CDKAL1: variants seen among roughly 807,000 people sequenced by gnomAD.
CDKAL1 encodes threonylcarbamoyladenosine tRNA methylthiotransferase.
A neutral mutation model predicts 68.2 loss-of-function variants in CDKAL1; 32 were observed. The ratio of observed to expected loss-of-function variants is 0.47; its 90% confidence interval spans 0.35 to 0.63. CDKAL1 has a LOEUF of 0.63. CDKAL1 is among the 30% of genes least tolerant of loss of function. The pLI is 0.00. For synonymous variants in CDKAL1, 234 were observed against 244.3 expected, an observed-to-expected ratio of 0.96 and a Z score of 0.39; for missense variants, 606 against 696.7, an observed-to-expected ratio of 0.87 and a Z score of 1.47.
chr6:21,123,419 G>A (rs1178152810), intron 13 of CDKAL1, among the ~76,000 whole-genome samples: 1 of 152,148 alleles, frequency 6.6e-6, no homozygotes, highest in Non-Finnish European at 1.5e-5. Context: ...ACGCAGCACT[G>A]CACTCCAGCC....
intron 9 of CDKAL1, among the ~76,000 whole-genome samples, chr6:20,917,599 T>C (rs1046219287): frequency 2.0e-5 from 3 of 152,192 alleles, no homozygotes; most frequent in African/African-American, 7.2e-5. Context: ...TTCTGAGATT[T>C]CGGTGCACCT....
At chr6:21,064,696 A>T (rs75904965) in intron 11 of CDKAL1, among the ~76,000 whole-genome samples, 6,328 of 152,290 alleles carry the variant, frequency 0.042, 209 homozygotes, top group East Asian at 0.15. Flanking sequence ...GAGGGTAAGG[A>T]TAGAGTAGTT....
intron 4 of CDKAL1, among the ~76,000 whole-genome samples, chr6:20,642,054 G>A (rs988600105): frequency 1.2e-4 from 18 of 151,972 alleles, no homozygotes; most frequent in African/African-American, 4.4e-4. Context: ...ATTTTGATAC[G>A]AGAATATAGG....
intron 14 of CDKAL1, among the ~76,000 whole-genome samples, chr6:21,200,320 A>G (rs1778637285): frequency 6.6e-6 from 1 of 152,242 alleles, no homozygotes; most frequent in Non-Finnish European, 1.5e-5. Flanking sequence ...GACTGGTTCT[A>G]GATGGAGGTA....
Position 21,128,207 on chromosome 6 carries a change from C to T in CDKAL1, c.1299+19744C>T, listed in dbSNP as rs147942483. ...ACAATTCAATAAATTACATGAGATA[C>T]TTAACACTTTACTATAGTATAGGCT... On this transcript the variant is annotated intron_variant, in intron 13 of 15. Coordinates refer to ENST00000274695, the MANE Select transcript of CDKAL1 (RefSeq NM_017774.3). Among the ~76,000 whole-genome samples, 935 of 152,334 alleles carry T rather than the reference C, an allele frequency of 6.1e-3. 9 individuals carry two copies. The highest frequency in any genetic ancestry group is 0.021 in the African/African-American group (888 of 41,570).
chr6:20,697,119 A>G (rs1002113756), intron 5 of CDKAL1, among the ~76,000 whole-genome samples: 3 of 152,184 alleles, frequency 2.0e-5, no homozygotes, highest in Non-Finnish European at 2.9e-5. Flanking sequence ...GTTCTTTTCT[A>G]GGGCTGGATG....
At chr6:20,646,106 G>A (rs1303466379) in intron 4 of CDKAL1, among the ~76,000 whole-genome samples, 1 of 134,752 alleles carries the variant, frequency 7.4e-6, no homozygotes, top group East Asian at 2.1e-4. Context: ...ACCCAGGCTG[G>A]AGTGCAGTGG....
At chr6:21,056,514 T>C (rs1223375114) in intron 11 of CDKAL1, among the ~76,000 whole-genome samples, 2 of 152,220 alleles carry the variant, frequency 1.3e-5, no homozygotes, top group Non-Finnish European at 2.9e-5. Flanking sequence ...ATACACTTTA[T>C]TTTCTTCTCT....
At chr6:20,650,596 GC>G (rs1218413436) in intron 5 of CDKAL1, among the ~76,000 whole-genome samples, 18 of 152,112 alleles carry the variant, frequency 1.2e-4, no homozygotes, top group Admixed American at 1.2e-3. Context: ...TGTCGAAATT[GC>G]TTTTGATGTT....
intron 5 of CDKAL1, among the ~76,000 whole-genome samples, chr6:20,665,449 A>G (rs898030394): frequency 6.6e-6 from 1 of 152,182 alleles, no homozygotes; most frequent in Admixed American, 6.6e-5. Flanking sequence ...AGTGAGAGTA[A>G]TGAATGCAGT....
chr6:20,708,589 G>A (rs530488363), intron 5 of CDKAL1, among the ~76,000 whole-genome samples: 1 of 152,158 alleles, frequency 6.6e-6, no homozygotes, highest in Non-Finnish European at 1.5e-5. Flanking sequence ...TTTTAAAAAA[G>A]GTGTTAGACA....
At chr6:20,787,840 TATA>T (rs945641685) in intron 8 of CDKAL1, among the ~76,000 whole-genome samples, 4 of 152,234 alleles carry the variant, frequency 2.6e-5, no homozygotes, top group African/African-American at 9.6e-5. Context: ...TACAGTGAGT[TATA>T]ATTCATTTTC....
chr6:20,897,573 AT>A (rs1480215682), intron 9 of CDKAL1, among the ~76,000 whole-genome samples: 12 of 152,148 alleles, frequency 7.9e-5, no homozygotes, highest in Non-Finnish European at 1.8e-4. Flanking sequence ...AATAGCTCTA[AT>A]TTTGTATCTT....
intron 4 of CDKAL1, among the ~76,000 whole-genome samples, chr6:20,617,437 C>A (rs1392849339): frequency 6.6e-6 from 1 of 152,050 alleles, no homozygotes; most frequent in East Asian, 1.9e-4. Context: ...TTAAATTTTA[C>A]TTTAAGTTCT....
At chr6:20,815,141 G>C (rs1205188540) in intron 8 of CDKAL1, among the ~76,000 whole-genome samples, 1 of 152,132 alleles carries the variant, frequency 6.6e-6, no homozygotes, top group South Asian at 2.1e-4. Flanking sequence ...CTTTATTTTG[G>C]CCAGAAGCAA....
intron 4 of CDKAL1, among the ~76,000 whole-genome samples, chr6:20,613,249 CTTTTTTTTTTTTTTTTTTTTTTTTTTTT>C (rs71559677): frequency 3.6e-4 from 28 of 77,866 alleles, no homozygotes; most frequent in African/African-American, 1.2e-3. Context: ...AAATTTCTTT[CTTTTTTTTTTTTTTTTTTTTTTTTTTTT>C]TTTTTTTTTT....
intron 8 of CDKAL1, among the ~76,000 whole-genome samples, chr6:20,816,411 A>T (rs1019847421): frequency 1.3e-5 from 2 of 152,172 alleles, no homozygotes; most frequent in Non-Finnish European, 2.9e-5. Context: ...AGAGTGTATC[A>T]GCATTGCAAT....
At chr6:21,186,480 G>A (rs1472106928) in intron 13 of CDKAL1, among the ~76,000 whole-genome samples, 1 of 152,148 alleles carries the variant, frequency 6.6e-6, no homozygotes, top group African/African-American at 2.4e-5. Context: ...TGCTTTTGCA[G>A]CCACACTGAA....
chr6:20,858,351 T>G (rs1322879643), intron 9 of CDKAL1, among the ~76,000 whole-genome samples: 1 of 152,120 alleles, frequency 6.6e-6, no homozygotes, highest in Non-Finnish European at 1.5e-5. Flanking sequence ...TATGTATCAA[T>G]ATTTTGGTAC....
Sources: allele counts gnomAD v4.1 joint callset (sites outside exome capture counted in the v4.1 genomes callset), GRCh38; gene constraint gnomAD v4.1.1; transcripts MANE v1.5; gene names NCBI Gene and HGNC (gene_info 2026-07-23, HGNC 2026-07-21).